Variants in MECOM observed in about 807,000 individuals in gnomAD.
MECOM encodes the protein MDS1 and EVI1 complex locus.
MECOM carries 13 observed loss-of-function variants against 116.3 expected under a neutral mutation model. The ratio of observed to expected loss-of-function variants is 0.11; its 90% CI spans 0.07 to 0.18. The LOEUF (loss-of-function observed/expected upper bound fraction) is 0.18. Ranked by LOEUF, MECOM falls within the 10% of genes least tolerant of loss-of-function variation. The pLI is 1.00. For synonymous variants in MECOM, 528 were observed against 535.2 expected, an observed-to-expected ratio of 0.99 and a Z score of 0.19; for missense variants, 1,299 against 1,509.0, an observed-to-expected ratio of 0.86 and a Z score of 2.31.
At chr3:169,433,651 AAG>A (rs1491174548) in intron 1 of MECOM, among the ~76,000 whole-genome samples, 1 of 124,462 alleles carries the variant, frequency 8.0e-6, no homozygotes, top group South Asian at 2.6e-4. Flanking sequence ...GAAAGAAAGA[AAG>A]AAAGAAAGAA....
At position 169,381,349 on chromosome 3, in the gene MECOM, A is replaced by C. The variant is rs1316495699; in HGVS notation, c.213T>G (p.Pro71=). The part of the protein sequence containing the change: ...GSPYKAPIYI[P]DDIPIPAEFE... The stretch of plus-strand genomic sequence containing the variant: ...ACTCAGCAGGAATGGGGATATCATC[A>C]GGGATGTAGATGGGGGCTTTGTAAG... The change falls in exon 2 of 17, where the codon CCT becomes CCG. Residue 71 remains proline (P), a synonymous_variant. Coordinates refer to ENST00000651503, the MANE Select transcript of MECOM (RefSeq NM_004991.4). 6.2e-7 allele frequency: 1 copy of C among 1,613,880 alleles called. No homozygotes were observed. The highest frequency in any genetic ancestry group is 8.5e-7 in the Non-Finnish European group (1 of 1,179,814).
chr3:169,288,768 TC>T (rs561253547), intron 2 of MECOM, among the ~76,000 whole-genome samples: 71 of 152,296 alleles, frequency 4.7e-4, no homozygotes, highest in African/African-American at 1.7e-3. Context: ...AGTTAGGTGT[TC>T]CGTCAGTATT....
At chr3:169,442,939 T>C (rs1020530624) in intron 1 of MECOM, among the ~76,000 whole-genome samples, 3 of 152,204 alleles carry the variant, frequency 2.0e-5, no homozygotes, top group Admixed American at 2.0e-4. Flanking sequence ...TTTTCAACAC[T>C]TCCACAGAAC....
intron 2 of MECOM, among the ~76,000 whole-genome samples, chr3:169,154,029 C>T (rs537364794): frequency 7.9e-5 from 12 of 152,196 alleles, no homozygotes; most frequent in African/African-American, 2.9e-4. Context: ...TTACCCTGAC[C>T]TTGGAAGGGA....
intron 2 of MECOM, among the ~76,000 whole-genome samples, chr3:169,283,561 T>C (rs1027789158): frequency 6.6e-6 from 1 of 152,208 alleles, no homozygotes; most frequent in Non-Finnish European, 1.5e-5. Flanking sequence ...TCACTTTCAT[T>C]TGTGAAGATG....
chr3:169,443,870 A>G (rs1560281737), intron 1 of MECOM, among the ~76,000 whole-genome samples: 1 of 152,206 alleles, frequency 6.6e-6, no homozygotes, highest in African/African-American at 2.4e-5. Context: ...AGGACAGAAG[A>G]GGACTCTCAG....
chr3:169,592,255 G>A (rs1256482542), intron 1 of MECOM, among the ~76,000 whole-genome samples: 1 of 152,184 alleles, frequency 6.6e-6, no homozygotes, highest in Non-Finnish European at 1.5e-5. Flanking sequence ...TGGCTCACCA[G>A]CAAAAATCTG....
chr3:169,270,980 G>C (rs1758874836), intron 2 of MECOM, among the ~76,000 whole-genome samples: 1 of 152,178 alleles, frequency 6.6e-6, no homozygotes, highest in African/African-American at 2.4e-5. Flanking sequence ...ACAAGAGTTT[G>C]AGTCCTTCTT....
At chr3:169,453,465 A>G (rs1295593397) in intron 1 of MECOM, among the ~76,000 whole-genome samples, 1 of 152,244 alleles carries the variant, frequency 6.6e-6, no homozygotes, top group Non-Finnish European at 1.5e-5. Context: ...CTCCCGCCAC[A>G]GCCTTCGCAG....
At chr3:169,489,966 TGA>T (rs1466867907) in intron 1 of MECOM, among the ~76,000 whole-genome samples, 1 of 152,078 alleles carries the variant, frequency 6.6e-6, no homozygotes, top group East Asian at 1.9e-4. Flanking sequence ...AGCCACAGAC[TGA>T]GAGATGACCT....
At chr3:169,504,536 G>A (rs1754964284) in intron 1 of MECOM, among the ~76,000 whole-genome samples, 1 of 152,004 alleles carries the variant, frequency 6.6e-6, no homozygotes. Flanking sequence ...TTATTTTCAT[G>A]TAACATTATT....
At chr3:169,544,606 A>T (rs563275576) in intron 1 of MECOM, among the ~76,000 whole-genome samples, 2 of 152,368 alleles carry the variant, frequency 1.3e-5, no homozygotes, top group East Asian at 3.9e-4. Flanking sequence ...AATAGCAAAG[A>T]CGTGGAACCA....
intron 2 of MECOM, among the ~76,000 whole-genome samples, chr3:169,168,166 C>T (rs923984356): frequency 5.9e-5 from 9 of 151,776 alleles, no homozygotes; most frequent in African/African-American, 2.2e-4. Context: ...GAGATAATGC[C>T]AATAGTTTTT....
At chr3:169,273,536 T>C (rs536278225) in intron 2 of MECOM, among the ~76,000 whole-genome samples, 1 of 152,314 alleles carries the variant, frequency 6.6e-6, no homozygotes, top group South Asian at 2.1e-4. Flanking sequence ...GTATCAGTTA[T>C]GTTTTCTGCG....
In MECOM at chr3:169,115,562, G is replaced by T; in HGVS notation, c.2310C>A (p.Asp770Glu). 1 of 1,614,136 alleles carries T rather than the reference G, an allele frequency of 6.2e-7. No individual in the cohort carries two copies. Among genetic ancestry groups the T allele is most frequent in the Non-Finnish European group, 8.5e-7 (1 of 1,180,012 alleles). ...KPPVTPATSQ[D>E]QPLDLSMGSR... ...TGCCCATACTTAGATCCAGGGGCTG[G>T]TCTTGGCTTGTGGCAGGTGTCACTG... The change falls in exon 8 of 17, where the codon GAC becomes GAA. Residue 770 changes from aspartate (D) to glutamate (E), a missense_variant. Asp to Glu is a conservative substitution (Grantham distance 45). Transcript: ENST00000651503.
chr3:169,292,613 G>A (rs188270455), intron 2 of MECOM, among the ~76,000 whole-genome samples: 3 of 152,246 alleles, frequency 2.0e-5, no homozygotes, highest in Admixed American at 2.0e-4. Context: ...GAATATTAAG[G>A]AGGGCCCTGA....
intron 1 of MECOM, among the ~76,000 whole-genome samples, chr3:169,438,601 C>T (rs1249459212): frequency 6.6e-6 from 1 of 152,182 alleles, no homozygotes; most frequent in African/African-American, 2.4e-5. Flanking sequence ...TTCTGACCTG[C>T]CCCATGCTCT....
At chr3:169,341,405 G>A (rs560211248) in intron 2 of MECOM, among the ~76,000 whole-genome samples, 9 of 149,524 alleles carry the variant, frequency 6.0e-5, no homozygotes, top group Non-Finnish European at 1.2e-4. Flanking sequence ...GAGGTTGGCG[G>A]GGGAGGTGGA....
At chr3:169,178,364 A>G (rs1350101443) in intron 2 of MECOM, among the ~76,000 whole-genome samples, 1 of 152,196 alleles carries the variant, frequency 6.6e-6, no homozygotes, top group East Asian at 1.9e-4. Context: ...GAGAGATATA[A>G]TCAGATTGCT....
Sources: gnomAD v4.1 joint callset for allele counts (sites outside exome capture counted in the v4.1 genomes callset) on GRCh38, gnomAD v4.1.1 for gene constraint, MANE v1.5 for transcripts, NCBI Gene and HGNC (gene_info 2026-07-23, HGNC 2026-07-21) for gene names.